Variants in IGF2 observed in about 807,000 individuals in gnomAD.
IGF2 encodes insulin like growth factor 2.
IGF2 carries 2 observed loss-of-function variants against 12.0 expected under a neutral mutation model. That is an observed-to-expected ratio of 0.17 (90% CI 0.07 to 0.52). The LOEUF (loss-of-function observed/expected upper bound fraction) is 0.52. Among genes scored for constraint, IGF2 ranks in the 20% least tolerant of loss-of-function variants. IGF2 has a pLI of 0.95. For synonymous variants in IGF2, 105 were observed against 110.1 expected (o/e 0.95, Z 0.29); for missense variants, 211 against 268.0 (o/e 0.79, Z 1.48).
At position 2,139,284 on chromosome 11, in the gene IGF2, G is replaced by T. The variant is rs1390928234; in HGVS notation, c.-1062C>A. On this transcript the variant is annotated 5_prime_UTR_variant, in exon 1 of 4. Coordinates refer to ENST00000416167, the MANE Select transcript of IGF2 (RefSeq NM_000612.6). ...CGCGGGGCCGCCTTGCCCGATGGAGGCGCTGGTGGGCAGAGCGCGGGCAGG... is the reference window on the plus strand; with the variant it reads ...CGCGGGGCCGCCTTGCCCGATGGAGTCGCTGGTGGGCAGAGCGCGGGCAGG... 6.7e-6 allele frequency: 1 copy of T among 149,026 alleles called. No individual in the cohort carries two copies. The highest frequency in any genetic ancestry group is 2.4e-5 in the African/African-American group (1 of 40,966). 9.2% of individuals were successfully genotyped at this position (149,026 alleles called of 1,614,324 possible). A position where few individuals can be genotyped will look rare whatever the true frequency, so the allele number is the denominator to read the frequency against.
upstream of IGF2, chr11:2,140,108 G>A (rs868808182): frequency 6.2e-7 from 1 of 1,608,328 alleles, no homozygotes. Context: ...GAGAGGATCA[G>A]GGCGGGAAAC....
At position 2,130,779 on chromosome 11, in the gene IGF2, C is replaced by T; in HGVS notation, c.*2208G>A. 5.8e-6 allele frequency: 1 copy of T among 171,926 alleles called. No individual in the cohort carries two copies. Among genetic ancestry groups the T allele is most frequent in the Non-Finnish European group, 1.2e-5 (1 of 82,436 alleles). The allele number at this position is 171,926 out of a possible 1,614,324, so 10.7% of individuals were successfully genotyped here. Reference sequence around the variant, plus strand: ...AACTCCCCCCGCCCAGCCCCCACTGCCCCCCACCCACCCCTCCAACCGCCA... The same window carrying T: ...AACTCCCCCCGCCCAGCCCCCACTGTCCCCCACCCACCCCTCCAACCGCCA... On this transcript the variant is annotated 3_prime_UTR_variant, in exon 4 of 4. Transcript: ENST00000416167.
Position 2,138,530 on chromosome 11 carries a change from G to T in IGF2, c.-308C>A, listed in dbSNP as rs1859271666. 1 of 649,272 alleles carries T rather than the reference G, an allele frequency of 1.5e-6. No homozygotes were observed. The highest frequency in any genetic ancestry group is 1.9e-6 in the Non-Finnish European group (1 of 538,908). The allele number at this position is 649,272 out of a possible 1,614,324, so 40.2% of individuals were successfully genotyped here. On this transcript the variant is annotated 5_prime_UTR_variant, in exon 1 of 4. The change creates a new upstream start codon in the 5' untranslated region. Coordinates refer to ENST00000416167, the MANE Select transcript of IGF2 (RefSeq NM_000612.6). ...GTTGTATCAAGGATAGAGGGGGGCA[G>T]AGATAGTGGGAGAGACAGAGTGAAC...
At chr11:2,149,063 C>A in the IGF2 span, 1 of 1,493,164 alleles carries the variant, frequency 6.7e-7, no homozygotes, top group Non-Finnish European at 9.3e-7. Flanking sequence ...TCCCGGCCCA[C>A]CCACGCCTGA....
the IGF2 span, chr11:2,146,327 T>C: frequency 1.9e-6 from 1 of 536,076 alleles, no homozygotes; most frequent in Non-Finnish European, 3.8e-6. Flanking sequence ...CCAAGGGTCC[T>C]CAGAGCGCCC....
chr11:2,137,746 T>C (rs1859182755), intron 1 of IGF2, among the ~76,000 whole-genome samples: 1 of 152,044 alleles, frequency 6.6e-6, no homozygotes, highest in Non-Finnish European at 1.5e-5. Context: ...CTGCCATGAC[T>C]CCTGCCAACT....
At chr11:2,140,684 A>G (rs1475262287), upstream of IGF2, 1 of 467,402 alleles carries the variant, frequency 2.1e-6, no homozygotes, top group Non-Finnish European at 4.1e-6. Flanking sequence ...GGCGCCCAGC[A>G]GGAGCGAGCG....
chr11:2,140,751 C>T, upstream of IGF2: 1 of 336,206 alleles, frequency 3.0e-6, no homozygotes, highest in Non-Finnish European at 5.6e-6. Context: ...GCCTCCCCGG[C>T]GGCAGCCGGA....
chr11:2,140,481 G>GC, upstream of IGF2: 1 of 575,306 alleles, frequency 1.7e-6, no homozygotes, highest in African/African-American at 2.3e-5. Context: ...CAATCACTTC[G>GC]CCCGCGCTCC....
chr11:2,130,083 G>A lies in IGF2; in HGVS notation c.*2904C>T, dbSNP rs1003018488. 18 of 229,946 alleles carry A rather than the reference G, an allele frequency of 7.8e-5. No homozygotes were observed. The East Asian group carries it at 1.1e-3, about 14-fold the overall frequency. 14.2% of individuals were successfully genotyped at this position (229,946 alleles called of 1,614,324 possible). A position where few individuals can be genotyped will look rare whatever the true frequency, so the allele number is the denominator to read the frequency against. The stretch of plus-strand genomic sequence containing the variant: ...GCTGAGGGGCGGGCAAGATGTCACC[G>A]AGGGAGAGGGGAGGGTTCCTCAAGT... On this transcript the variant is annotated 3_prime_UTR_variant, in exon 4 of 4. Coordinates refer to ENST00000416167, the MANE Select transcript of IGF2 (RefSeq NM_000612.6).
chr11:2,140,573 C>G (rs1859503230), upstream of IGF2: 4 of 492,090 alleles, frequency 8.1e-6, no homozygotes, highest in Non-Finnish European at 1.1e-5. Flanking sequence ...CTCCGCGTCC[C>G]TCGCCCCAGC....
At position 2,129,503 on chromosome 11, in the gene IGF2, G is replaced by A. The variant is rs545962158; in HGVS notation, c.*3484C>T. 3.9e-5 allele frequency: 9 copies of A among 228,504 alleles called. No individual in the cohort carries two copies. The South Asian group carries it at 9.1e-4, about 23-fold the overall frequency. 14.2% of individuals were successfully genotyped at this position (228,504 alleles called of 1,614,324 possible). A position where few individuals can be genotyped will look rare whatever the true frequency, so the allele number is the denominator to read the frequency against. ...TGCCCCCGGGAACACCCACTCCGGC[G>A]AGGCAGAATATAACACTGGGTGGGT... is the stretch of plus-strand genomic sequence containing the variant. On this transcript the variant is annotated 3_prime_UTR_variant, in exon 4 of 4. Transcript: ENST00000416167. The surrounding 1 kb of genome is among the most constrained non-coding windows in gnomAD (Gnocchi z 8.1).
chr11:2,132,984 T>G lies in IGF2; in HGVS notation c.*3A>C. 1 of 1,503,574 alleles carries G rather than the reference T, an allele frequency of 6.7e-7. No individual in the cohort carries two copies. Among genetic ancestry groups the G allele is most frequent in the South Asian group, 1.3e-5 (1 of 75,560 alleles). The allele number at this position is 1,503,574 out of a possible 1,614,324, so 93.1% of individuals were successfully genotyped here. On this transcript the variant is annotated 3_prime_UTR_variant, in exon 4 of 4. Coordinates refer to ENST00000416167, the MANE Select transcript of IGF2 (RefSeq NM_000612.6). ...CCGGGCTGCAGACTTGCGGCAGTTT[T>G]GCTCACTTCCGATTGCTGGCCATCT... is the stretch of plus-strand genomic sequence containing the variant.
chr11:2,131,465 C>T lies in IGF2; in HGVS notation c.*1522G>A, dbSNP rs1458033941. On this transcript the variant is annotated 3_prime_UTR_variant, in exon 4 of 4. Transcript: ENST00000416167. Reference sequence around the variant, plus strand: ...ATGTGTGTGTGCAGGTGGGTGCTTGCGTGTGCAACGTGTGTGCTGCGTGTT... The same window carrying T: ...ATGTGTGTGTGCAGGTGGGTGCTTGTGTGTGCAACGTGTGTGCTGCGTGTT... The T allele has an allele frequency of 5.2e-5, 12 of 228,716 alleles. No homozygotes were observed. Among genetic ancestry groups the T allele is most frequent in the South Asian group, 1.8e-4 (1 of 5,408 alleles). 14.2% of individuals were successfully genotyped at this position (228,716 alleles called of 1,614,324 possible).
At chr11:2,140,698 C>T (rs1321185970), upstream of IGF2, 5 of 453,274 alleles carry the variant, frequency 1.1e-5, no homozygotes. Flanking sequence ...GCGAGCGCAG[C>T]CGCCAGCCGC....
At chr11:2,149,273 G>T in the IGF2 span, 1 of 1,613,734 alleles carries the variant, frequency 6.2e-7, no homozygotes, top group Non-Finnish European at 8.5e-7. Context: ...CACCAAAGCA[G>T]GGGGTGCCCT....
At chr11:2,146,825 C>G in the IGF2 span, 1 of 199,272 alleles carries the variant, frequency 5.0e-6, no homozygotes, top group African/African-American at 2.3e-5. Flanking sequence ...CCTCCCCTGT[C>G]ACCCCAGTGC....
rs770477972 is a variant in IGF2 at position 2,130,588 on chromosome 11, C to CA, written c.*2398dup. The CA allele has an allele frequency of 0.055, 5,442 of 99,844 alleles. 122 individuals carry two copies. Among genetic ancestry groups the CA allele is most frequent in the African/African-American group, 0.11 (2,792 of 26,116 alleles). 6.2% of individuals were successfully genotyped at this position (99,844 alleles called of 1,614,324 possible). On this transcript the variant is annotated 3_prime_UTR_variant, in exon 4 of 4. Transcript: ENST00000416167. Reference sequence around the variant, plus strand: ...AAGCTAAGGAGGGGTAAAAAAAAAACAAAAAAAAAAAAAAAAGGAAAAATG... The same window carrying CA: ...AAGCTAAGGAGGGGTAAAAAAAAAACAAAAAAAAAAAAAAAAAGGAAAAATG...
upstream of IGF2, among the ~76,000 whole-genome samples, chr11:2,139,578 G>GGT (rs1859404389): frequency 2.1e-5 from 3 of 146,100 alleles, no homozygotes; most frequent in Admixed American, 2.0e-4. Context: ...TGGGGCCCCG[G>GGT]GGGGGGGGCG....
Sources: allele counts gnomAD v4.1 joint callset (sites outside exome capture counted in the v4.1 genomes callset), GRCh38; gene constraint gnomAD v4.1.1; non-coding constraint Gnocchi (gnomAD v3.1); transcripts MANE v1.5; gene names NCBI Gene and HGNC (gene_info 2026-07-23, HGNC 2026-07-21).